Variants in CNTNAP3B observed in about 807,000 individuals in gnomAD.
The protein encoded by CNTNAP3B is contactin associated protein family member 3B.
CNTNAP3B carries 25 observed loss-of-function variants against 108.9 expected under a neutral mutation model. The ratio of observed to expected loss-of-function variants is 0.23; its 90% CI spans 0.17 to 0.32. The LOEUF (loss-of-function observed/expected upper bound fraction) is 0.32. Ranked by LOEUF, CNTNAP3B falls within the 10% of genes least tolerant of loss-of-function variation. The pLI, the probability that CNTNAP3B is intolerant of heterozygous loss-of-function variation, is 1.00. For synonymous variants in CNTNAP3B, 103 were observed against 473.4 expected, an observed-to-expected ratio of 0.22 and a Z score of 10.16; for missense variants, 252 against 1,210.4, an observed-to-expected ratio of 0.21 and a Z score of 11.75.
chr9:41,946,302 TAC>T (rs1163681367), intron 13 of CNTNAP3B, among the ~76,000 whole-genome samples: 1 of 114,476 alleles, frequency 8.7e-6, no homozygotes, highest in Non-Finnish European at 1.8e-5. Flanking sequence ...CACTGCAGAA[TAC>T]ACATTCTTCT....
intron 13 of CNTNAP3B, among the ~76,000 whole-genome samples, chr9:41,943,002 C>T (rs1438124922): frequency 4.6e-5 from 7 of 152,214 alleles, no homozygotes; most frequent in Non-Finnish European, 1.0e-4. Flanking sequence ...TCTTATGAGA[C>T]GAATCAAGCA....
chr9:41,924,471 G>A (rs1217146534), intron 15 of CNTNAP3B, among the ~76,000 whole-genome samples: 1 of 152,306 alleles, frequency 6.6e-6, no homozygotes, highest in Non-Finnish European at 1.5e-5. Context: ...GTGACTTTGG[G>A]GTTTTTGGTC....
chr9:41,933,904 A>G (rs894290802), intron 14 of CNTNAP3B, among the ~76,000 whole-genome samples: 7 of 152,200 alleles, frequency 4.6e-5, no homozygotes, highest in African/African-American at 1.4e-4. Flanking sequence ...AAAATTTTTT[A>G]TACTTATTCA....
chr9:42,111,537 G>T (rs28572375), intron 1 of CNTNAP3B, among the ~76,000 whole-genome samples: 11,060 of 137,746 alleles, frequency 0.08, 1,722 homozygotes, highest in East Asian at 0.14. Flanking sequence ...AGTTGTAGAT[G>T]AAAATAAAAC....
At position 42,089,096 on chromosome 9, in the gene CNTNAP3B, T is replaced by A. The variant is rs1274650990; in HGVS notation, c.197-12034A>T. 2.3e-5 allele frequency among the ~76,000 whole-genome samples: 2 copies of A among 86,234 alleles called. 1 individual carries two copies. The highest frequency in any genetic ancestry group is 4.5e-5 in the Non-Finnish European group (2 of 44,738). 56.6% of individuals were successfully genotyped at this position (86,234 alleles called of 152,430 possible). A position where few individuals can be genotyped will look rare whatever the true frequency, so the allele number is the denominator to read the frequency against. On this transcript the variant is annotated intron_variant, in intron 2 of 23. Coordinates refer to ENST00000377561, the MANE Select transcript of CNTNAP3B (RefSeq NM_001201380.3). The stretch of plus-strand genomic sequence containing the variant: ...AGCCGGGCCTGGTGGTGGGTGCTTG[T>A]AATCTCAGTTACTTGGGACAAGGGT...
rs1286851392 is a variant in CNTNAP3B, at chr9:42,002,918, A to G, written c.539-4314T>C. On this transcript the variant is annotated intron_variant, in intron 4 of 23. Coordinates refer to ENST00000377561, the MANE Select transcript of CNTNAP3B (RefSeq NM_001201380.3). ...TTACTTTTATTAGAAACAGAGACTC[A>G]CTCCGTTGCCCATGCTGTAGTGCAG... is the stretch of plus-strand genomic sequence containing the variant. Among the ~76,000 whole-genome samples, 4 of 128,262 alleles carry G rather than the reference A, an allele frequency of 3.1e-5. 1 individual carries two copies. The East Asian group carries it at 7.5e-4, about 24-fold the overall frequency. The allele number at this position is 128,262 out of a possible 152,430, so 84.1% of individuals were successfully genotyped here.
chr9:42,044,416 A>G (rs1487360836), intron 3 of CNTNAP3B, among the ~76,000 whole-genome samples: 6 of 147,728 alleles, frequency 4.1e-5, no homozygotes, highest in Admixed American at 3.4e-4. Flanking sequence ...CACCATCAAA[A>G]TACTCATTGT....
intron 13 of CNTNAP3B, among the ~76,000 whole-genome samples, chr9:41,939,633 C>T (rs1330628585): frequency 2.0e-5 from 3 of 152,290 alleles, no homozygotes; most frequent in Admixed American, 6.5e-5. Flanking sequence ...ATACACTCTT[C>T]TCGGAATGCC....
At chr9:41,928,586 C>T (rs1277824443) in intron 15 of CNTNAP3B, among the ~76,000 whole-genome samples, 1 of 152,300 alleles carries the variant, frequency 6.6e-6, no homozygotes, top group African/African-American at 2.4e-5. Context: ...TACAGAGAGG[C>T]TCAGGCTCCT....
chr9:42,118,705 G>T (rs1481957012), intron 1 of CNTNAP3B, among the ~76,000 whole-genome samples: 1 of 113,716 alleles, frequency 8.8e-6, no homozygotes, highest in South Asian at 2.9e-4. Flanking sequence ...GAAATAAAGG[G>T]CATTCAATTA....
At chr9:41,968,953 T>C (rs924582219) in intron 10 of CNTNAP3B, among the ~76,000 whole-genome samples, 10 of 152,334 alleles carry the variant, frequency 6.6e-5, no homozygotes, top group Middle Eastern at 3.4e-3. Flanking sequence ...CCCGCCACCA[T>C]GCCTGGCTAA....
chr9:41,958,900 G>T (rs1397149919), intron 12 of CNTNAP3B, among the ~76,000 whole-genome samples: 2 of 139,832 alleles, frequency 1.4e-5, no homozygotes, highest in African/African-American at 2.9e-5. Flanking sequence ...GTCAAGCTAG[G>T]TGTCAAACTC....
intron 1 of CNTNAP3B, among the ~76,000 whole-genome samples, chr9:42,128,154 GA>G (rs1419276777): frequency 2.2e-5 from 3 of 134,650 alleles, no homozygotes; most frequent in South Asian, 2.4e-4. Context: ...ACTCCAAGCC[GA>G]AAAAAAAATG....
chr9:42,087,311 G>A (rs1281452379), intron 2 of CNTNAP3B, among the ~76,000 whole-genome samples: 5 of 135,612 alleles, frequency 3.7e-5, no homozygotes, highest in Admixed American at 7.3e-5. Flanking sequence ...TACATGTTTT[G>A]TTGGGTCTGC....
intron 14 of CNTNAP3B, among the ~76,000 whole-genome samples, chr9:41,933,201 A>G (rs2118023115): frequency 6.6e-6 from 1 of 152,364 alleles, no homozygotes; most frequent in East Asian, 1.9e-4. Flanking sequence ...CGTTACTGAT[A>G]TTTTGGGCTA....
At chr9:41,938,934 G>T (rs2118067351) in intron 13 of CNTNAP3B, among the ~76,000 whole-genome samples, 1 of 152,286 alleles carries the variant, frequency 6.6e-6, no homozygotes, top group East Asian at 1.9e-4. Context: ...CTCTTTATTT[G>T]GAGGTTAAGG....
At position 41,922,444 on chromosome 9, in the gene CNTNAP3B, C is replaced by T. The variant is rs553739122; in HGVS notation, c.2755+233G>A. ...TTGCACCACTGCACTCCAGCCTGGGCGACACAGTGAGACTCTGTCTGAAAA... is the reference window on the plus strand; with the variant it reads ...TTGCACCACTGCACTCCAGCCTGGGTGACACAGTGAGACTCTGTCTGAAAA... On this transcript the variant is annotated intron_variant, in intron 17 of 23. Transcript: ENST00000377561. 5.1e-4 allele frequency among the ~76,000 whole-genome samples: 72 copies of T among 140,086 alleles called. 2 individuals are homozygous for T. The highest frequency in any genetic ancestry group is 2.3e-3 in the South Asian group (10 of 4,412). 91.9% of individuals were successfully genotyped at this position (140,086 alleles called of 152,430 possible).
At chr9:42,047,245 T>C (rs1826889940) in intron 3 of CNTNAP3B, among the ~76,000 whole-genome samples, 1 of 99,156 alleles carries the variant, frequency 1.0e-5, no homozygotes, top group Non-Finnish European at 2.0e-5. Context: ...TTTGCTGTTT[T>C]TATAAAGGAC....
chr9:42,013,418 GC>G lies in CNTNAP3B; in HGVS notation c.497del (p.Gly166AlafsTer36). Reference protein sequence around the residue: ...RFLPLAWNPRGRIGMRIEVYG... With the variant: ...RFLPLAWNPRXRIGMRIEVYG... ...ACACTTCGATCCGCATCCCAATCCT[GC>G]CCCTGGGGTTCCAGGCTAAAGGGAG... On this transcript the variant is annotated frameshift_variant, in exon 4 of 24. Coordinates refer to ENST00000377561, the MANE Select transcript of CNTNAP3B (RefSeq NM_001201380.3). LOFTEE classifies it high-confidence loss of function. The G allele has an allele frequency of 2.3e-6, 1 of 430,268 alleles. No homozygotes were observed. The highest frequency in any genetic ancestry group is 2.7e-5 in the South Asian group (1 of 37,168). The allele number at this position is 430,268 out of a possible 1,614,324, so 26.7% of individuals were successfully genotyped here.
Sources: allele counts gnomAD v4.1 joint callset (sites outside exome capture counted in the v4.1 genomes callset), GRCh38; gene constraint gnomAD v4.1.1; transcripts MANE v1.5; gene names NCBI Gene and HGNC (gene_info 2026-07-23, HGNC 2026-07-21).